The following ARHGAP15 variants were observed in gnomAD, a reference collection of about 807,000 sequenced individuals.
ARHGAP15 encodes Rho GTPase activating protein 15.
A neutral mutation model predicts 63.7 loss-of-function variants in ARHGAP15; 51 were observed. The observed-to-expected ratio is 0.80, with a 90% CI of 0.64 to 1.01. ARHGAP15 has a LOEUF of 1.01. Ranked by LOEUF, ARHGAP15 falls within the 50% of genes least tolerant of loss-of-function variation. ARHGAP15 has a pLI of 0.00. For missense variants in ARHGAP15, 560 were observed against 564.6 expected (o/e 0.99, Z 0.08); for synonymous variants, 191 against 193.8 (o/e 0.99, Z 0.12).
At chr2:143,740,967 A>ATGTAC (rs1356337768) in intron 13 of ARHGAP15, 1 of 152,210 alleles carries the variant, frequency 6.6e-6, no homozygotes, top group East Asian at 1.9e-4. Flanking sequence ...GCTATATTCA[A>ATGTAC]TGTACTGTAT....
intron 2 of ARHGAP15, among the ~76,000 whole-genome samples, chr2:143,174,870 A>T (rs1252564564): frequency 6.6e-6 from 1 of 152,180 alleles, no homozygotes; most frequent in African/African-American, 2.4e-5. Context: ...TGTATCCCGA[A>T]AAAATATTAA....
chr2:143,199,597 G>A (rs1692025466), intron 2 of ARHGAP15, among the ~76,000 whole-genome samples: 1 of 152,036 alleles, frequency 6.6e-6, no homozygotes, highest in Non-Finnish European at 1.5e-5. Flanking sequence ...AGGACATGGA[G>A]GGGAAACACT....
intron 5 of ARHGAP15, among the ~76,000 whole-genome samples, chr2:143,250,106 TTTTTC>T (rs1347709672): frequency 6.6e-6 from 1 of 152,062 alleles, no homozygotes; most frequent in East Asian, 1.9e-4. Flanking sequence ...ATTTATCAAT[TTTTTC>T]TTTTACTGTT....
chr2:143,449,090 C>T lies in ARHGAP15; in HGVS notation c.703+12048C>T, dbSNP rs566487289. On this transcript the variant is annotated intron_variant, in intron 8 of 13. Coordinates refer to ENST00000295095, the MANE Select transcript of ARHGAP15 (RefSeq NM_018460.4). ...ATCAATCCCTTCCAACCCATGATTA[C>T]GGACTAAATGAGAAAGAACCAAGAC... Among the ~76,000 whole-genome samples the T allele has an allele frequency of 5.0e-4, 76 of 152,104 alleles. 1 individual carries two copies. Among genetic ancestry groups the T allele is most frequent in the South Asian group, 3.1e-3 (15 of 4,818 alleles).
chr2:143,374,619 C>T (rs1265932897), intron 6 of ARHGAP15, among the ~76,000 whole-genome samples: 1 of 152,132 alleles, frequency 6.6e-6, no homozygotes, highest in Admixed American at 6.5e-5. Flanking sequence ...TCTCCTGCCT[C>T]AGCCCCCTAA....
At chr2:143,641,142 A>C (rs1338516563) in intron 12 of ARHGAP15, 1 of 152,144 alleles carries the variant, frequency 6.6e-6, no homozygotes, top group Non-Finnish European at 1.5e-5. Context: ...AGGGTCCATT[A>C]CTGTATTTAT....
intron 6 of ARHGAP15, among the ~76,000 whole-genome samples, chr2:143,356,808 G>A (rs967261097): frequency 6.6e-6 from 1 of 152,042 alleles, no homozygotes; most frequent in Admixed American, 6.6e-5. Flanking sequence ...AGATGCACAG[G>A]CTGTTTCCTG....
chr2:143,305,342 A>AG (rs1012326499), intron 6 of ARHGAP15: 1 of 135,508 alleles, frequency 7.4e-6, no homozygotes, highest in African/African-American at 2.7e-5. Context: ...GGGCTGGGGG[A>AG]GGGATAGCAT....
intron 12 of ARHGAP15, among the ~76,000 whole-genome samples, chr2:143,635,825 A>G (rs1357464693): frequency 6.6e-6 from 1 of 152,136 alleles, no homozygotes; most frequent in Non-Finnish European, 1.5e-5. Context: ...TGGAAGGATG[A>G]CAGCAGATAT....
intron 2 of ARHGAP15, among the ~76,000 whole-genome samples, chr2:143,191,069 C>T (rs1012179541): frequency 2.0e-5 from 3 of 152,184 alleles, no homozygotes; most frequent in African/African-American, 7.2e-5. Context: ...GCACCCGGCC[C>T]ACCTATCTAT....
At chr2:143,694,209 G>A (rs1403800175) in intron 12 of ARHGAP15, among the ~76,000 whole-genome samples, 1 of 152,064 alleles carries the variant, frequency 6.6e-6, no homozygotes, top group African/African-American at 2.4e-5. Flanking sequence ...AAGGGGTGGG[G>A]GAGAAGAATA....
At chr2:143,343,544 C>A (rs1414146268) in intron 6 of ARHGAP15, among the ~76,000 whole-genome samples, 2 of 151,986 alleles carry the variant, frequency 1.3e-5, no homozygotes, top group Non-Finnish European at 2.9e-5. Context: ...TCAGATTTGC[C>A]CTTGAAAGAT....
At chr2:143,399,499 A>G (rs1395766246) in intron 6 of ARHGAP15, among the ~76,000 whole-genome samples, 10 of 152,068 alleles carry the variant, frequency 6.6e-5, no homozygotes, top group Non-Finnish European at 1.5e-5. Flanking sequence ...TAATAACGAT[A>G]ATGATAAAGC....
intron 9 of ARHGAP15, among the ~76,000 whole-genome samples, chr2:143,507,903 C>T (rs1693394718): frequency 6.6e-6 from 1 of 152,070 alleles, no homozygotes; most frequent in South Asian, 2.1e-4. Flanking sequence ...TACCCAAGCA[C>T]CATCATCTCT....
intron 6 of ARHGAP15, among the ~76,000 whole-genome samples, chr2:143,338,658 C>A (rs1684918623): frequency 6.6e-6 from 1 of 152,052 alleles, no homozygotes; most frequent in Admixed American, 6.6e-5. Flanking sequence ...ATTTAAGTAG[C>A]TTTTTCTTGC....
intron 10 of ARHGAP15, chr2:143,533,233 T>G (rs940973934): frequency 6.6e-6 from 1 of 152,244 alleles, no homozygotes; most frequent in Non-Finnish European, 1.5e-5. Context: ...TGACAAGATT[T>G]TTTTAACAAA....
chr2:143,454,590 A>G (rs1690560044), intron 8 of ARHGAP15, among the ~76,000 whole-genome samples: 1 of 152,132 alleles, frequency 6.6e-6, no homozygotes, highest in Non-Finnish European at 1.5e-5. Flanking sequence ...AGGCTCAACC[A>G]GAAAGATCAG....
chr2:143,275,535 C>A (rs1259524237), intron 6 of ARHGAP15, among the ~76,000 whole-genome samples: 1 of 152,268 alleles, frequency 6.6e-6, no homozygotes, highest in Non-Finnish European at 1.5e-5. Context: ...TTCATTCCTC[C>A]ACCTGGTTAA....
intron 13 of ARHGAP15, among the ~76,000 whole-genome samples, chr2:143,724,238 G>T (rs1395828069): frequency 6.6e-6 from 1 of 152,150 alleles, no homozygotes; most frequent in Non-Finnish European, 1.5e-5. Flanking sequence ...ACCCAAGTTT[G>T]CATCCTAGGT....
Sources: allele counts gnomAD v4.1 joint callset (sites outside exome capture counted in the v4.1 genomes callset), GRCh38; gene constraint gnomAD v4.1.1; transcripts MANE v1.5; gene names NCBI Gene and HGNC (gene_info 2026-07-23, HGNC 2026-07-21).